Variants in PPCDC observed in about 807,000 individuals in gnomAD.
PPCDC encodes the protein phosphopantothenoylcysteine decarboxylase.
PPCDC carries 20 observed loss-of-function variants against 20.7 expected under a neutral mutation model. That is an observed-to-expected ratio of 0.97 (90% confidence interval 0.68 to 1.41). The LOEUF is 1.41. PPCDC is among the 40% of genes most tolerant of loss of function. The pLI is 0.00. For missense variants in PPCDC, 246 were observed against 263.8 expected (o/e 0.93, Z 0.47); for synonymous variants, 88 against 100.3 (o/e 0.88, Z 0.73).
intron 2 of PPCDC, among the ~76,000 whole-genome samples, chr15:75,042,747 G>C (rs755675541): frequency 4.6e-5 from 7 of 151,926 alleles, no homozygotes; most frequent in African/African-American, 1.5e-4. Flanking sequence ...ACAGCCATGT[G>C]TTCTGTTAAG....
At position 75,031,279 on chromosome 15, in the gene PPCDC, T is replaced by A. The variant is rs2066017834; in HGVS notation, c.135+2826T>A. Among the ~76,000 whole-genome samples the A allele has an allele frequency of 3.3e-5, 5 of 152,088 alleles. No homozygotes were observed. In the South Asian group the frequency reaches 1.0e-3, roughly 32 times the overall value. On this transcript the variant is annotated intron_variant, in intron 2 of 5. Coordinates refer to ENST00000342932, the MANE Select transcript of PPCDC (RefSeq NM_021823.5). ...GCCGGGGGTTTTGTAGTTCCGTAGT[T>A]GTCATGTAATTGAGTGGCAGTAAAA...
chr15:75,040,480 A>G (rs991193940), intron 2 of PPCDC, among the ~76,000 whole-genome samples: 3 of 152,118 alleles, frequency 2.0e-5, no homozygotes, highest in African/African-American at 7.2e-5. Flanking sequence ...TAACCTTTAT[A>G]TGTTCTTTTG....
chr15:75,040,325 G>A (rs2066137554), intron 2 of PPCDC, among the ~76,000 whole-genome samples: 1 of 151,822 alleles, frequency 6.6e-6, no homozygotes, highest in East Asian at 1.9e-4. Context: ...CAATCTGCCT[G>A]CCTCAGTCTC....
At chr15:75,043,730 C>T (rs559182212) in intron 3 of PPCDC, 194 bp downstream of exon 3, 22 of 584,660 alleles carry the variant, frequency 3.8e-5, no homozygotes, top group African/African-American at 3.0e-4. Flanking sequence ...TAGTCTCCTC[C>T]CGGCCCAGGC....
At chr15:75,023,755 A>C (rs539910020) in intron 1 of PPCDC, 129 bp downstream of exon 1, 1 of 152,374 alleles carries the variant, frequency 6.6e-6, no homozygotes, top group Admixed American at 6.5e-5. Context: ...CTGTGTGCCC[A>C]TGAAGCTCTG....
At chr15:75,023,660 C>A (rs559433532) in intron 1 of PPCDC, 34 bp downstream of exon 1, 70 of 152,462 alleles carry the variant, frequency 4.6e-4, no homozygotes, top group African/African-American at 1.6e-3. Context: ...AAGCTGGGTT[C>A]TCGCGGCGGC....
At chr15:75,026,176 T>C (rs2065957345) in intron 1 of PPCDC, among the ~76,000 whole-genome samples, 1 of 152,208 alleles carries the variant, frequency 6.6e-6, no homozygotes, top group South Asian at 2.1e-4. Flanking sequence ...ATTTGGCTTC[T>C]GGTTTTGCAG....
At chr15:75,034,012 T>C (rs1297946685) in intron 2 of PPCDC, among the ~76,000 whole-genome samples, 2 of 152,178 alleles carry the variant, frequency 1.3e-5, no homozygotes, top group Admixed American at 6.5e-5. Flanking sequence ...AGCACGACTG[T>C]TTCCTGCAGA....
At chr15:75,039,785 TTTG>T (rs2066130886) in intron 2 of PPCDC, among the ~76,000 whole-genome samples, 1 of 134,242 alleles carries the variant, frequency 7.4e-6, no homozygotes, top group African/African-American at 3.0e-5. Context: ...CTTTTCTTTC[TTTG>T]TTTTTTTTTT....
At chr15:75,032,293 C>G (rs1188887757) in intron 2 of PPCDC, among the ~76,000 whole-genome samples, 1 of 152,128 alleles carries the variant, frequency 6.6e-6, no homozygotes, top group Admixed American at 6.5e-5. Context: ...CAGCAGGCCT[C>G]GGGCTCAGAG....
chr15:75,044,316 C>T, intron 3 of PPCDC, 70 bp from the exon 4 acceptor site: 1 of 1,586,864 alleles, frequency 6.3e-7, no homozygotes, highest in Non-Finnish European at 8.6e-7. Context: ...TCCTGACTTA[C>T]CGTACCTGGC....
intron 2 of PPCDC, among the ~76,000 whole-genome samples, chr15:75,032,678 T>C (rs2066034952): frequency 7.0e-6 from 1 of 142,328 alleles, no homozygotes; most frequent in African/African-American, 2.6e-5. Context: ...GGAGCAATCA[T>C]CAAGATGGAA....
chr15:75,049,121 G>A lies in PPCDC; in HGVS notation c.530-29G>A, dbSNP rs1438897908. The A allele has an allele frequency of 2.5e-6, 4 of 1,600,542 alleles. No individual in the cohort carries two copies. The South Asian group carries it at 4.4e-5, about 18-fold the overall frequency. On this transcript the variant is annotated intron_variant, in intron 5 of 5. Coordinates refer to ENST00000342932, the MANE Select transcript of PPCDC (RefSeq NM_021823.5). ...GCAGGGCTACAGGCACTGTTGGCCT[G>A]TCTGGCCACAGCGGAATTTTGCTCC...
chr15:75,043,028 C>T lies in PPCDC; in HGVS notation c.136-413C>T, dbSNP rs563231204. 3.9e-3 allele frequency among the ~76,000 whole-genome samples: 599 copies of T among 152,388 alleles called. 3 individuals are homozygous for T. The highest frequency in any genetic ancestry group is 6.1e-3 in the Admixed American group (93 of 15,314). ...TGCAGAGGGCAGAGCTGCTGTGTGG[C>T]ACAGAACTCAGGACCTATGAGCCTC... On this transcript the variant is annotated intron_variant, in intron 2 of 5. Transcript: ENST00000342932.
intron 2 of PPCDC, among the ~76,000 whole-genome samples, chr15:75,033,493 A>C (rs1371745840): frequency 1.3e-5 from 2 of 151,348 alleles, no homozygotes; most frequent in Admixed American, 1.3e-4. Context: ...TTTGTAACCT[A>C]TGTGTATATT....
intron 2 of PPCDC, among the ~76,000 whole-genome samples, chr15:75,039,649 C>G (rs904475526): frequency 1.3e-5 from 2 of 152,216 alleles, no homozygotes; most frequent in African/African-American, 4.8e-5. Context: ...CTTTTCTCAT[C>G]TAATCTAATC....
chr15:75,029,987 G>A (rs1193130782), intron 2 of PPCDC, among the ~76,000 whole-genome samples: 1 of 152,096 alleles, frequency 6.6e-6, no homozygotes, highest in Non-Finnish European at 1.5e-5. Context: ...GGGTTGTGAG[G>A]AAAGGGTTGC....
intron 2 of PPCDC, among the ~76,000 whole-genome samples, chr15:75,032,726 C>CT (rs1287413467): frequency 8.5e-6 from 1 of 117,752 alleles, no homozygotes; most frequent in Non-Finnish European, 1.7e-5. Flanking sequence ...CAAACTGGAC[C>CT]CCCCCCCCCA....
intron 2 of PPCDC, among the ~76,000 whole-genome samples, chr15:75,030,894 C>A (rs1249977677): frequency 6.6e-6 from 1 of 152,056 alleles, no homozygotes; most frequent in Non-Finnish European, 1.5e-5. Context: ...GTCAAGGTAG[C>A]CAAATCAGGG....
Sources: allele counts gnomAD v4.1 joint callset (sites outside exome capture counted in the v4.1 genomes callset), GRCh38; gene constraint gnomAD v4.1.1; transcripts MANE v1.5; gene names NCBI Gene and HGNC (gene_info 2026-07-23, HGNC 2026-07-21).